Variants in HCST observed in about 807,000 individuals in gnomAD.
The protein encoded by HCST is DNAX-activation protein 10.
HCST carries 12 observed loss-of-function variants against 10.8 expected under a neutral mutation model. The ratio of observed to expected loss-of-function variants is 1.12; its 90% CI spans 0.72 to 1.81. The LOEUF is 1.81. Among genes scored for constraint, HCST ranks in the 40% most tolerant of loss-of-function variants. The pLI, the probability that HCST is intolerant of heterozygous loss-of-function variation, is 0.00. For synonymous variants in HCST, 59 were observed against 51.6 expected (o/e 1.14, Z -0.61); for missense variants, 102 against 117.9 (o/e 0.87, Z 0.62).
intron 2 of HCST, 45 bp downstream of exon 2, chr19:35,903,461 C>A: frequency 6.6e-7 from 1 of 1,504,978 alleles, no homozygotes; most frequent in Non-Finnish European, 9.2e-7. Context: ...TCCCAGAACA[C>A]CCCAGTGGTT....
rs1353287569 is a variant in HCST, at chr19:35,903,379, G to C, written c.72G>C (p.Glu24Asp). ...PVAAAQTTPG[E>D]RSSLPAFYPG... is the part of the protein sequence containing the mutation. Reference sequence around the variant, plus strand: ...CTGCAGCTCAGACGACTCCAGGAGAGAGATCATCACTCCCTGCCTTTTACC... The same window carrying C: ...CTGCAGCTCAGACGACTCCAGGAGACAGATCATCACTCCCTGCCTTTTACC... Residue 24 changes from glutamate to aspartate, a missense_variant, in exon 2 of 4, where the codon GAG becomes GAC. Transcript: ENST00000246551. 6.2e-7 allele frequency: 1 copy of C among 1,613,934 alleles called. No homozygotes were observed. The highest frequency in any genetic ancestry group is 8.5e-7 in the Non-Finnish European group (1 of 1,179,942).
Position 35,903,816 on chromosome 19 carries a change from G to GGCAGAGAGCA in HCST, c.156_157insAGAGAGCAGC (p.Leu53ArgfsTer8), listed in dbSNP as rs746694525. The stretch of plus-strand genomic sequence containing the variant: ...GTCCCTCTCTCTGCCGCTCCTGGCA[G>GGCAGAGAGCA]GCCTCGTGGCTGCTGATGCGGTGGC... On this transcript the variant is annotated frameshift_variant, in exon 3 of 4. Coordinates refer to ENST00000246551, the MANE Select transcript of HCST (RefSeq NM_014266.4). LOFTEE classifies it high-confidence loss of function. The GGCAGAGAGCA allele has an allele frequency of 1.2e-6, 2 of 1,614,024 alleles. No homozygotes were observed. The highest frequency in any genetic ancestry group is 8.5e-7 in the Non-Finnish European group (1 of 1,180,016).
intron 2 of HCST, 123 bp from the exon 3 acceptor site, chr19:35,903,649 G>A: frequency 7.1e-7 from 1 of 1,406,654 alleles, no homozygotes; most frequent in Non-Finnish European, 9.9e-7. Context: ...CATTCCCCAA[G>A]CGCAACTCCA....
rs907437893 is a variant in HCST, at chr19:35,902,890, C to T, written c.43+254C>T. 3 of 528,844 alleles carry T rather than the reference C, an allele frequency of 5.7e-6. No individual in the cohort carries two copies. The African/African-American group carries it at 5.8e-5, about 10-fold the overall frequency. The allele number at this position is 528,844 out of a possible 1,614,324, so 32.8% of individuals were successfully genotyped here. On this transcript the variant is annotated intron_variant, in intron 1 of 3. Transcript: ENST00000246551. ...CTGCCACTTCCAATTTCTTGTCACT[C>T]TCCATGTCTCTGGGAGTCCCCTTCC...
chr19:35,903,339 C>A lies in HCST; in HGVS notation c.44-12C>A, dbSNP rs752082157. The stretch of plus-strand genomic sequence containing the variant: ...CTCTCCACCCTCATCCACCTTCTTT[C>A]TCTTTCCACAGTGGCTGCAGCTCAG... On this transcript the variant is annotated splice_polypyrimidine_tract_variant and intron_variant, in intron 1 of 3. Coordinates refer to ENST00000246551, the MANE Select transcript of HCST (RefSeq NM_014266.4). The A allele has an allele frequency of 6.2e-6, 10 of 1,612,116 alleles. No homozygotes were observed. Among genetic ancestry groups the A allele is most frequent in the Non-Finnish European group, 7.6e-6 (9 of 1,178,782 alleles).
Position 35,903,852 on chromosome 19 carries a change from A to G in HCST, c.190A>G (p.Ile64Val). 1 of 1,613,504 alleles carries G rather than the reference A, an allele frequency of 6.2e-7. No homozygotes were observed. Among genetic ancestry groups the G allele is most frequent in the Non-Finnish European group, 8.5e-7 (1 of 1,179,936 alleles). The change falls in exon 3 of 4, where the codon ATC (isoleucine) becomes GTC (valine). Residue 64 changes from isoleucine (I) to valine (V), a missense_variant. Physicochemically the swap from Ile to Val is conservative, Grantham distance 29. Coordinates refer to ENST00000246551, the MANE Select transcript of HCST (RefSeq NM_014266.4). ...TGCTGATGCGGTGGCATCGCTGCTC[A>G]TCGTGGGGGCGGTGTTCCTGTGCGC... ...VAADAVASLLIVGAVFLCARP... is the reference protein window; with the variant it reads ...VAADAVASLLVVGAVFLCARP...
Position 35,904,289 on chromosome 19 carries a change from TCAAAGAACC to T in HCST, c.*131_*139del, listed in dbSNP as rs1975663063. The T allele has an allele frequency of 1.9e-6, 2 of 1,064,762 alleles. No homozygotes were observed. Among genetic ancestry groups the T allele is most frequent in the African/African-American group, 3.1e-5 (2 of 63,552 alleles). The allele number at this position is 1,064,762 out of a possible 1,614,324, so 66.0% of individuals were successfully genotyped here. A position where few individuals can be genotyped will look rare whatever the true frequency, so the allele number is the denominator to read the frequency against. On this transcript the variant is annotated 3_prime_UTR_variant, in exon 4 of 4. Transcript: ENST00000246551. ...GAAACACCTGTAGTCGTATTCTTTC[TCAAAGAACC>T]CCAGAGTTCCCAAAGCCTCCCTCCC...
At chr19:35,903,591 C>A (rs1975636735) in intron 2 of HCST, 175 bp downstream of exon 2, 3 of 1,054,256 alleles carry the variant, frequency 2.8e-6, no homozygotes. Flanking sequence ...GCCGCACAGC[C>A]CCGAGGGTCC....
intron 1 of HCST, 149 bp from the exon 2 acceptor site, chr19:35,903,202 G>A (rs1046482454): frequency 1.5e-6 from 1 of 652,522 alleles, no homozygotes; most frequent in Non-Finnish European, 2.8e-6. Flanking sequence ...TGTTGCCCAG[G>A]CTGGTCTCGA....
intron 1 of HCST, chr19:35,903,063 T>G: frequency 2.2e-6 from 1 of 457,866 alleles, no homozygotes; most frequent in Non-Finnish European, 4.0e-6. Context: ...CAATCACGGC[T>G]CACGGCAGCC....
Position 35,902,798 on chromosome 19 carries a change from AG to A in HCST, c.43+167del, listed in dbSNP as rs1298719472. ...CAGGGCCTGGGTCCTTGGGGGCGGA[AG>A]GGGGTGAGACAGGGAGTTCTGGAGG... On this transcript the variant is annotated intron_variant, in intron 1 of 3. Transcript: ENST00000246551. The A allele has an allele frequency of 1.0e-5, 7 of 700,986 alleles. No homozygotes were observed. In the Admixed American group the frequency reaches 1.1e-4, roughly 11 times the overall value. The allele number at this position is 700,986 out of a possible 1,614,324, so 43.4% of individuals were successfully genotyped here.
intron 3 of HCST, 29 bp downstream of exon 3, chr19:35,903,932 A>C (rs8106480): frequency 3.7e-6 from 6 of 1,601,202 alleles, no homozygotes; most frequent in Non-Finnish European, 5.1e-6. Context: ...GGGGCCTGGA[A>C]GGTGTATAGT....
chr19:35,903,431 C>A lies in HCST; in HGVS notation c.109+15C>A. On this transcript the variant is annotated intron_variant, in intron 2 of 3. Transcript: ENST00000246551. ...TGGCACTTCAGGTATCACTTCCACC[C>A]CAGAAGCTTGGCCAGAGGCTCCCAG... 1 of 1,611,674 alleles carries A rather than the reference C, an allele frequency of 6.2e-7. No individual in the cohort carries two copies. The highest frequency in any genetic ancestry group is 8.5e-7 in the Non-Finnish European group (1 of 1,177,958).
Position 35,903,821 on chromosome 19 carries a change from C to G in HCST, c.159C>G (p.Leu53=). The part of the protein sequence containing the change: ...GSLSLPLLAG[L]VAADAVASLL... ...TCTCTCTGCCGCTCCTGGCAGGCCT[C>G]GTGGCTGCTGATGCGGTGGCATCGC... Residue 53 remains leucine (L), a synonymous_variant, in exon 3 of 4, where the codon CTC becomes CTG. Transcript: ENST00000246551. 2 of 1,613,928 alleles carry G rather than the reference C, an allele frequency of 1.2e-6. No homozygotes were observed. The highest frequency in any genetic ancestry group is 8.5e-7 in the Non-Finnish European group (1 of 1,180,006).
At position 35,904,290 on chromosome 19, in the gene HCST, C is replaced by T; in HGVS notation, c.*130C>T. 1 of 1,052,174 alleles carries T rather than the reference C, an allele frequency of 9.5e-7. No individual in the cohort carries two copies. 65.2% of individuals were successfully genotyped at this position (1,052,174 alleles called of 1,614,324 possible). On this transcript the variant is annotated 3_prime_UTR_variant, in exon 4 of 4. Transcript: ENST00000246551. ...AAACACCTGTAGTCGTATTCTTTCT[C>T]AAAGAACCCCAGAGTTCCCAAAGCC...
Position 35,903,367 on chromosome 19 carries a change from G to A in HCST, c.60G>A (p.Thr20=). ...LLLLPVAAAQ[T]TPGERSSLPA... ...TTTCCACAGTGGCTGCAGCTCAGAC[G>A]ACTCCAGGAGAGAGATCATCACTCC... Residue 20 remains threonine, a synonymous_variant, in exon 2 of 4, where the codon ACG becomes ACA. Coordinates refer to ENST00000246551, the MANE Select transcript of HCST (RefSeq NM_014266.4). The A allele has an allele frequency of 6.2e-7, 1 of 1,613,742 alleles. No individual in the cohort carries two copies. Among genetic ancestry groups the A allele is most frequent in the Non-Finnish European group, 8.5e-7 (1 of 1,179,874 alleles).
chr19:35,903,489 A>C (rs1599636337), intron 2 of HCST, 73 bp downstream of exon 2: 3 of 1,312,332 alleles, frequency 2.3e-6, no homozygotes, highest in Non-Finnish European at 3.3e-6. Flanking sequence ...TCACCATCCC[A>C]CCTCCCGTCC....
Position 35,904,322 on chromosome 19 carries a change from C to A in HCST, c.*162C>A. On this transcript the variant is annotated 3_prime_UTR_variant, in exon 4 of 4. Coordinates refer to ENST00000246551, the MANE Select transcript of HCST (RefSeq NM_014266.4). Reference sequence around the variant, plus strand: ...CCCCAGAGTTCCCAAAGCCTCCCTCCCATGAACTGTTTCTGGATCCAAGGC... The same window carrying A: ...CCCCAGAGTTCCCAAAGCCTCCCTCACATGAACTGTTTCTGGATCCAAGGC... The A allele has an allele frequency of 1.2e-6, 1 of 865,574 alleles. No homozygotes were observed. The highest frequency in any genetic ancestry group is 1.9e-6 in the Non-Finnish European group (1 of 529,662). The allele number at this position is 865,574 out of a possible 1,614,324, so 53.6% of individuals were successfully genotyped here.
chr19:35,903,615 C>G, intron 2 of HCST, 157 bp from the exon 3 acceptor site: 1 of 1,158,904 alleles, frequency 8.6e-7, no homozygotes, highest in Admixed American at 2.1e-5. Flanking sequence ...GACACCCCAG[C>G]CTCTCTGCAT....
Sources: gnomAD v4.1 joint callset for allele counts on GRCh38, gnomAD v4.1.1 for gene constraint, MANE v1.5 for transcripts, NCBI Gene and HGNC (gene_info 2026-07-23, HGNC 2026-07-21) for gene names.